The following BSN variants were observed in gnomAD, a reference collection of about 807,000 sequenced individuals.
BSN encodes the protein protein bassoon.
In BSN, 57 loss-of-function variants were observed where a neutral mutation model predicts 264.8. That is an observed-to-expected ratio of 0.22 (90% CI 0.17 to 0.27). The LOEUF is 0.27. Ranked by LOEUF, BSN falls within the 10% of genes least tolerant of loss-of-function variation. The pLI is 1.00. For missense variants in BSN, 4,615 were observed against 5,232.5 expected, an observed-to-expected ratio of 0.88 and a Z score of 3.64; for synonymous variants, 2,059 against 2,137.3, an observed-to-expected ratio of 0.96 and a Z score of 1.01.
chr3:49,664,890 A>C, intron 10 of BSN, 37 bp downstream of exon 10: 1 of 1,513,922 alleles, frequency 6.6e-7, no homozygotes. Flanking sequence ...CTCTTCTGGG[A>C]AAGGCCCGAG....
chr3:49,633,873 T>C (rs946277149), intron 2 of BSN, among the ~76,000 whole-genome samples: 2 of 152,066 alleles, frequency 1.3e-5, no homozygotes, highest in Non-Finnish European at 2.9e-5. Flanking sequence ...GTAGTCAAAG[T>C]CACAGAGACA....
chr3:49,655,707 C>T lies in BSN; in HGVS notation c.6151C>T (p.Leu2051Phe), dbSNP rs904433597. The change falls in exon 5 of 12, where the codon CTT (leucine) becomes TTT (phenylalanine). Residue 2051 changes from leucine to phenylalanine, a missense_variant. Coordinates refer to ENST00000296452, the MANE Select transcript of BSN (RefSeq NM_003458.4). ...CACGGACCTGCGTCATCCTACAGAC[C>T]TTTTGGCTCACCCGCTTCCCATGCG... ...SVTDLRHPTD[L>F]LAHPLPMRRY... 1.2e-6 allele frequency: 2 copies of T among 1,613,560 alleles called. No individual in the cohort carries two copies. Among genetic ancestry groups the T allele is most frequent in the Admixed American group, 1.7e-5 (1 of 60,028 alleles).
intron 1 of BSN, among the ~76,000 whole-genome samples, chr3:49,564,691 G>A (rs952651236): frequency 6.6e-6 from 1 of 152,154 alleles, no homozygotes; most frequent in African/African-American, 2.4e-5. Context: ...TCATAAATGT[G>A]TAGGAAGGGT....
intron 1 of BSN, among the ~76,000 whole-genome samples, chr3:49,614,284 C>T (rs1196382836): frequency 1.3e-5 from 2 of 151,970 alleles, no homozygotes; most frequent in Non-Finnish European, 2.9e-5. Context: ...TGGTCTTGAT[C>T]TCCTGACCTC....
chr3:49,596,285 TCCC>T (rs1238004970), intron 1 of BSN, among the ~76,000 whole-genome samples: 1 of 152,058 alleles, frequency 6.6e-6, no homozygotes, highest in African/African-American at 2.4e-5. Context: ...GTGCCTGTAG[TCCC>T]AGCTACTCGG....
intron 1 of BSN, among the ~76,000 whole-genome samples, chr3:49,617,678 A>AAGAGC (rs1362267394): frequency 6.6e-6 from 1 of 152,114 alleles, no homozygotes; most frequent in Non-Finnish European, 1.5e-5. Context: ...GTCTCTTAAG[A>AAGAGC]AGAGCCTCCT....
At chr3:49,594,088 G>A (rs1203905375) in intron 1 of BSN, among the ~76,000 whole-genome samples, 2 of 152,172 alleles carry the variant, frequency 1.3e-5, no homozygotes, top group East Asian at 1.9e-4. Flanking sequence ...CACCACGCCC[G>A]GCCGCTAGAT....
chr3:49,607,844 G>A (rs557945512), intron 1 of BSN, among the ~76,000 whole-genome samples: 15 of 152,332 alleles, frequency 9.8e-5, no homozygotes, highest in Non-Finnish European at 1.6e-4. Context: ...CAGAGGGAGG[G>A]CCTCTTCTCG....
rs1191512828 is a variant in BSN, at chr3:49,642,721, A to ACCCTCATGTCTGTGCAGCCCG, written c.1088_1108dup (p.Pro369_Glu370insAlaLeuMetSerValGlnPro). Reference sequence around the variant, plus strand: ...CGCGTCACTGCTAACCCAGGCGAGCACCCTCATGTCTGTGCAGCCCGAGGC... The same window carrying ACCCTCATGTCTGTGCAGCCCG: ...CGCGTCACTGCTAACCCAGGCGAGCACCCTCATGTCTGTGCAGCCCGCCCTCATGTCTGTGCAGCCCGAGGC... On this transcript the variant is annotated inframe_insertion, in exon 3 of 12. Coordinates refer to ENST00000296452, the MANE Select transcript of BSN (RefSeq NM_003458.4). The surrounding 1 kb of genome is among the most constrained non-coding windows in gnomAD (Gnocchi z 7.0). 3.2e-5 allele frequency: 52 copies of ACCCTCATGTCTGTGCAGCCCG among 1,613,288 alleles called. No homozygotes were observed. Among genetic ancestry groups the ACCCTCATGTCTGTGCAGCCCG allele is most frequent in the Non-Finnish European group, 4.4e-5 (52 of 1,179,984 alleles).
intron 1 of BSN, among the ~76,000 whole-genome samples, chr3:49,597,161 T>C (rs13071087): frequency 0.044 from 6,743 of 152,290 alleles, 221 homozygotes; most frequent in Non-Finnish European, 0.061. Flanking sequence ...ATATACTTAA[T>C]GGTGTCCCAC....
intron 1 of BSN, among the ~76,000 whole-genome samples, chr3:49,611,798 C>T (rs1479193089): frequency 6.6e-6 from 1 of 152,158 alleles, no homozygotes; most frequent in Non-Finnish European, 1.5e-5. Flanking sequence ...TTTGGTTTCC[C>T]AGGCCAGGGT....
rs371116844 is a variant in BSN, at chr3:49,661,290, T to A, written c.9445T>A (p.Ser3149Thr). The change falls in exon 6 of 12, where the codon TCG (serine) becomes ACG (threonine). Residue 3149 changes from serine (S) to threonine (T), a missense_variant. By Grantham distance (58) the Ser-to-Thr change is moderately conservative. Coordinates refer to ENST00000296452, the MANE Select transcript of BSN (RefSeq NM_003458.4). ...RAPLQKPRQTSLADLEQKVPT... is the reference protein window; with the variant it reads ...RAPLQKPRQTTLADLEQKVPT... ...CCCACTGCAGAAGCCACGCCAGACA[T>A]CGCTAGCCGACTTGGAGCAGAAGGT... 108 of 1,613,708 alleles carry A rather than the reference T, an allele frequency of 6.7e-5. No homozygotes were observed. Among genetic ancestry groups the A allele is most frequent in the Non-Finnish European group, 8.5e-5 (100 of 1,180,036 alleles).
chr3:49,652,860 G>T lies in BSN; in HGVS notation c.3304G>T (p.Asp1102Tyr). ...ACCCAGTAACTTGTCACCCATCGAG[G>T]ATGCCTCCCCGACGGAGGAGCTGAG... ...TPPSNLSPIE[D>Y]ASPTEELRQA... Residue 1102 changes from aspartate to tyrosine, a missense_variant, in exon 5 of 12, where the codon GAT becomes TAT. Transcript: ENST00000296452. 1 of 1,606,310 alleles carries T rather than the reference G, an allele frequency of 6.2e-7. No individual in the cohort carries two copies. The highest frequency in any genetic ancestry group is 1.3e-5 in the African/African-American group (1 of 74,816).
At chr3:49,612,228 C>T (rs1246782341) in intron 1 of BSN, among the ~76,000 whole-genome samples, 11 of 152,180 alleles carry the variant, frequency 7.2e-5, no homozygotes, top group South Asian at 4.1e-4. Flanking sequence ...CTCCGCCTCC[C>T]GGGTTCACGC....
At chr3:49,626,269 A>T (rs753592433) in intron 2 of BSN, among the ~76,000 whole-genome samples, 2 of 152,062 alleles carry the variant, frequency 1.3e-5, no homozygotes, top group Non-Finnish European at 2.9e-5. Flanking sequence ...CCGTCTTTGG[A>T]TAGGATGGAG....
intron 1 of BSN, among the ~76,000 whole-genome samples, chr3:49,557,874 CAT>C (rs1469041984): frequency 6.6e-6 from 1 of 152,176 alleles, no homozygotes; most frequent in East Asian, 1.9e-4. Context: ...CCAACTTGCA[CAT>C]GTTTTGATGT....
In BSN at chr3:49,656,379, C is replaced by T. The variant is rs765093123; in HGVS notation, c.6823C>T (p.Pro2275Ser). 9 of 1,597,572 alleles carry T rather than the reference C, an allele frequency of 5.6e-6. No individual in the cohort carries two copies. In the South Asian group the frequency reaches 6.8e-5, roughly 12 times the overall value. Residue 2275 changes from proline to serine, a missense_variant, in exon 5 of 12, where the codon CCT becomes TCT. Physicochemically the swap from Pro to Ser is moderately conservative, Grantham distance 74 (BLOSUM62 -1). Coordinates refer to ENST00000296452, the MANE Select transcript of BSN (RefSeq NM_003458.4). ...SRFPIASSVPPAEGPVYLGKP... is the reference protein window; with the variant it reads ...SRFPIASSVPSAEGPVYLGKP... Reference sequence around the variant, plus strand: ...ATTTCCCATTGCTTCCAGTGTTCCACCTGCAGAAGGGCCTGTCTATCTGGG... The same window carrying T: ...ATTTCCCATTGCTTCCAGTGTTCCATCTGCAGAAGGGCCTGTCTATCTGGG...
chr3:49,651,772 G>A lies in BSN; in HGVS notation c.2216G>A (p.Gly739Asp). Reference sequence around the variant, plus strand: ...ATGCGGCCTTTGCTGCAGGCCCAGGGCCTGGCCCCAAGTGAGCGGAGCAAG... The same window carrying A: ...ATGCGGCCTTTGCTGCAGGCCCAGGACCTGGCCCCAAGTGAGCGGAGCAAG... ...SSMRPLLQAQ[G>D]LAPSERSKPL... is the part of the protein sequence containing the mutation. The change falls in exon 5 of 12, where the codon GGC (glycine) becomes GAC (aspartate). Residue 739 changes from glycine to aspartate, a missense_variant. Physicochemically the swap from Gly to Asp is moderately conservative, Grantham distance 94. This residue lies in a region of BSN where 1,197 missense variants were observed against 1,348.0 expected (regional missense o/e 0.89). Transcript: ENST00000296452. The surrounding 1 kb of genome is among the most constrained non-coding windows in gnomAD (Gnocchi z 5.4). The A allele has an allele frequency of 1.2e-6, 2 of 1,613,328 alleles. No individual in the cohort carries two copies. Among genetic ancestry groups the A allele is most frequent in the Non-Finnish European group, 1.7e-6 (2 of 1,179,962 alleles).
At position 49,617,283 on chromosome 3, in the gene BSN, TTATATA is replaced by T. The variant is rs6147817; in HGVS notation, c.225-7661_225-7656del. Among the ~76,000 whole-genome samples, 1,033 of 122,014 alleles carry T rather than the reference TTATATA, an allele frequency of 8.5e-3. 25 individuals carry two copies. The highest frequency in any genetic ancestry group is 0.03 in the African/African-American group (958 of 32,004). 80.0% of individuals were successfully genotyped at this position (122,014 alleles called of 152,430 possible). A position where few individuals can be genotyped will look rare whatever the true frequency, so the allele number is the denominator to read the frequency against. ...AAAGTAAAATAAAAAATAAAATACA[TTATATA>T]TATATATATATATATATATATATAT... On this transcript the variant is annotated intron_variant, in intron 1 of 11. Coordinates refer to ENST00000296452, the MANE Select transcript of BSN (RefSeq NM_003458.4).
Sources: allele counts gnomAD v4.1 joint callset (sites outside exome capture counted in the v4.1 genomes callset), GRCh38; gene constraint gnomAD v4.1.1; regional missense constraint gnomAD v4.1.1; non-coding constraint Gnocchi (gnomAD v3.1); transcripts MANE v1.5; gene names NCBI Gene and HGNC (gene_info 2026-07-23, HGNC 2026-07-21).